Variants in EPAS1 observed in about 807,000 individuals in gnomAD.
EPAS1 encodes endothelial PAS domain protein 1, also known as endothelial PAS domain-containing protein 1.
Under a neutral mutation model 87.9 loss-of-function variants are expected in EPAS1, and 23 were observed. The ratio of observed to expected loss-of-function variants is 0.26; its 90% confidence interval spans 0.19 to 0.37. The LOEUF (loss-of-function observed/expected upper bound fraction) is 0.37. EPAS1 is among the 10% of genes least tolerant of loss of function. The pLI, the probability that EPAS1 is intolerant of heterozygous loss-of-function variation, is 1.00. For synonymous variants in EPAS1, 508 were observed against 444.3 expected (o/e 1.14, Z -1.80); for missense variants, 1,138 against 1,120.7 (o/e 1.02, Z -0.22).
At chr2:46,367,511 G>C (rs1270969589) in intron 6 of EPAS1, among the ~76,000 whole-genome samples, 1 of 152,238 alleles carries the variant, frequency 6.6e-6, no homozygotes, top group Non-Finnish European at 1.5e-5. Context: ...GACCAGCACT[G>C]TTCTGTCTCC....
rs1416416834 is a variant in EPAS1 at position 46,375,550 on chromosome 2, C to T, written c.887-140C>T. ...TCCCTAAGCTCCCTCCCAGGTCACT[C>T]TCCCTGGTCCTCACTGTCGTGGCGC... is the stretch of plus-strand genomic sequence containing the variant. On this transcript the variant is annotated intron_variant, in intron 7 of 15. Transcript: ENST00000263734. This position sits in a 1 kb window ranked among gnomAD's most constrained non-coding sequence, Gnocchi z 4.1. 1.7e-5 allele frequency: 17 copies of T among 1,008,348 alleles called. No homozygotes were observed. The highest frequency in any genetic ancestry group is 2.3e-5 in the Non-Finnish European group (15 of 663,874). The allele number at this position is 1,008,348 out of a possible 1,614,324, so 62.5% of individuals were successfully genotyped here. A position where few individuals can be genotyped will look rare whatever the true frequency, so the allele number is the denominator to read the frequency against.
chr2:46,335,314 GAA>G (rs1424526272), intron 1 of EPAS1, among the ~76,000 whole-genome samples: 3 of 152,184 alleles, frequency 2.0e-5, no homozygotes, highest in African/African-American at 7.2e-5. Flanking sequence ...CTGAAATAAA[GAA>G]GAGAGAACTG....
chr2:46,379,293 T>C (rs1684827743), intron 11 of EPAS1, among the ~76,000 whole-genome samples: 1 of 152,194 alleles, frequency 6.6e-6, no homozygotes, highest in African/African-American at 2.4e-5. Context: ...AAGGATAAGG[T>C]AGAGGGAGGG....
intron 3 of EPAS1, 127 bp downstream of exon 3, chr2:46,356,429 C>A: frequency 8.1e-7 from 1 of 1,241,658 alleles, no homozygotes; most frequent in Non-Finnish European, 1.2e-6. Context: ...CCCTCGCTGA[C>A]CTCAGGCCAC....
chr2:46,358,804 A>G (rs1187297729), intron 4 of EPAS1, among the ~76,000 whole-genome samples: 3 of 152,162 alleles, frequency 2.0e-5, no homozygotes, highest in Admixed American at 6.5e-5. Flanking sequence ...ATCTAGACCT[A>G]AAGGGTTAGT....
chr2:46,368,411 T>C (rs1186181991), intron 6 of EPAS1, among the ~76,000 whole-genome samples: 3 of 151,958 alleles, frequency 2.0e-5, no homozygotes, highest in Admixed American at 6.6e-5. Flanking sequence ...TACAGATGAG[T>C]TGAAAATCAA....
At chr2:46,382,308 G>T in intron 14 of EPAS1, 117 bp from the exon 15 acceptor site, 1 of 1,359,464 alleles carries the variant, frequency 7.4e-7, no homozygotes, top group Non-Finnish European at 1.0e-6. Flanking sequence ...CCTGAAGGTT[G>T]GCTGTAGTTC....
chr2:46,303,127 GTAGAAATCTAATATT>G (rs1683044547), intron 1 of EPAS1, among the ~76,000 whole-genome samples: 1 of 152,190 alleles, frequency 6.6e-6, no homozygotes, highest in African/African-American at 2.4e-5. Context: ...ATGCTTTTCT[GTAGAAATCTAATATT>G]TTGAAGCAAA....
In EPAS1 at chr2:46,378,079, T is replaced by A. The variant is rs1373712541; in HGVS notation, c.1435T>A (p.Cys479Ser). The A allele has an allele frequency of 8.7e-6, 14 of 1,600,914 alleles. No individual in the cohort carries two copies. Among genetic ancestry groups the A allele is most frequent in the Non-Finnish European group, 1.2e-5 (14 of 1,175,018 alleles). ...CAGTGCCACCAGCAGCAGCAGCAGC[T>A]GCTCCACGGTGAGCAGCCCTCTTAT... is the stretch of plus-strand genomic sequence containing the variant. ...TPSATSSSSS[C>S]STPNSPEDYY... The change falls in exon 10 of 16, where the codon TGC becomes AGC. Residue 479 changes from cysteine (C) to serine (S), a missense_variant. Coordinates refer to ENST00000263734, the MANE Select transcript of EPAS1 (RefSeq NM_001430.5).
chr2:46,310,832 C>T (rs548351769), intron 1 of EPAS1, among the ~76,000 whole-genome samples: 1 of 152,224 alleles, frequency 6.6e-6, no homozygotes, highest in South Asian at 2.1e-4. Context: ...TATATAACTC[C>T]TGAGTACTTT....
rs1440731153 is a variant in EPAS1 at position 46,376,686 on chromosome 2, G to A, written c.1182G>A (p.Lys394=). The change falls in exon 9 of 16, where the codon AAG becomes AAA. Residue 394 remains lysine, a synonymous_variant. Coordinates refer to ENST00000263734, the MANE Select transcript of EPAS1 (RefSeq NM_001430.5). ...EKSNFLFTKL[K]EEPEELAQLA... is the part of the protein sequence containing the mutation. ...GTAACTTCCTATTCACCAAGCTAAAGGAGGAGCCCGAGGAGCTGGCCCAGC... is the reference window on the plus strand; with the variant it reads ...GTAACTTCCTATTCACCAAGCTAAAAGAGGAGCCCGAGGAGCTGGCCCAGC... 1 of 1,613,960 alleles carries A rather than the reference G, an allele frequency of 6.2e-7. No homozygotes were observed. Among genetic ancestry groups the A allele is most frequent in the Non-Finnish European group, 8.5e-7 (1 of 1,180,016 alleles).
chr2:46,356,922 G>T (rs1420402944), intron 4 of EPAS1, 114 bp downstream of exon 4: 3 of 778,330 alleles, frequency 3.9e-6, no homozygotes, highest in Non-Finnish European at 6.7e-6. Context: ...AGGAAAAATG[G>T]ATGTCCTTAA....
At chr2:46,352,579 C>T (rs1453319785) in intron 2 of EPAS1, among the ~76,000 whole-genome samples, 3 of 152,210 alleles carry the variant, frequency 2.0e-5, no homozygotes, top group African/African-American at 7.2e-5. Flanking sequence ...AGATTTGTGA[C>T]ATGAGCCTCC....
chr2:46,361,334 C>T (rs775321223), intron 6 of EPAS1, among the ~76,000 whole-genome samples: 2 of 152,162 alleles, frequency 1.3e-5, no homozygotes, highest in Admixed American at 6.5e-5. Context: ...GTGTGCAACT[C>T]TTCTCATCAT....
intron 2 of EPAS1, 152 bp from the exon 3 acceptor site, chr2:46,355,999 C>T (rs774642690): frequency 3.1e-5 from 25 of 803,492 alleles, no homozygotes; most frequent in South Asian, 1.8e-4. Flanking sequence ...TGCTGCCAGG[C>T]GGAGGCAGAC....
intron 15 of EPAS1, among the ~76,000 whole-genome samples, chr2:46,382,859 A>C (rs1256658780): frequency 6.6e-6 from 1 of 152,194 alleles, no homozygotes; most frequent in African/African-American, 2.4e-5. Flanking sequence ...TGAAGGAAAG[A>C]ATGCAGACCA....
chr2:46,361,549 T>C (rs1684386833), intron 6 of EPAS1, among the ~76,000 whole-genome samples: 1 of 152,170 alleles, frequency 6.6e-6, no homozygotes, highest in African/African-American at 2.4e-5. Context: ...CCTTCCTGCA[T>C]GCAACTCCAT....
chr2:46,301,350 G>T (rs925475816), intron 1 of EPAS1, among the ~76,000 whole-genome samples: 1 of 151,974 alleles, frequency 6.6e-6, no homozygotes, highest in Non-Finnish European at 1.5e-5. Flanking sequence ...CTGAGGCTGC[G>T]GATCACCTGA....
chr2:46,315,595 C>T (rs1456370746), intron 1 of EPAS1, among the ~76,000 whole-genome samples: 2 of 152,252 alleles, frequency 1.3e-5, no homozygotes, highest in African/African-American at 4.8e-5. Flanking sequence ...CACACAGACT[C>T]CTTGCCAGGC....
Sources: gnomAD v4.1 joint callset for allele counts (sites outside exome capture counted in the v4.1 genomes callset) on GRCh38, gnomAD v4.1.1 for gene constraint, Gnocchi (gnomAD v3.1) non-coding constraint, MANE v1.5 for transcripts, NCBI Gene and HGNC (gene_info 2026-07-23, HGNC 2026-07-21) for gene names.